Variants in LYST observed in about 807,000 individuals in gnomAD.
LYST encodes the protein lysosomal trafficking regulator.
In LYST, 192 loss-of-function variants were observed where a neutral mutation model predicts 413.6. The ratio of observed to expected loss-of-function variants is 0.46; its 90% CI spans 0.41 to 0.52. The LOEUF is 0.52. Among genes scored for constraint, LYST ranks in the 20% least tolerant of loss-of-function variants. The pLI is 0.00. For missense variants in LYST, 3,815 were observed against 4,499.9 expected, an observed-to-expected ratio of 0.85 and a Z score of 4.35; for synonymous variants, 1,525 against 1,567.3, an observed-to-expected ratio of 0.97 and a Z score of 0.64.
At chr1:235,735,685 T>C (rs1664760208) in intron 31 of LYST, 1 of 152,184 alleles carries the variant, frequency 6.6e-6, no homozygotes, top group Admixed American at 6.5e-5. Flanking sequence ...GTGAATAGTA[T>C]TAAATGTCAG....
At chr1:235,830,078 A>C in intron 3 of LYST, 148 bp downstream of exon 3, 1 of 637,808 alleles carries the variant, frequency 1.6e-6, no homozygotes, top group Non-Finnish European at 2.8e-6. Flanking sequence ...ATATGGTTAT[A>C]AATAGGTCCA....
chr1:235,773,362 T>C (rs920789433), intron 19 of LYST, among the ~76,000 whole-genome samples: 7 of 151,778 alleles, frequency 4.6e-5, no homozygotes, highest in African/African-American at 7.3e-5. Flanking sequence ...AAAACGAGTA[T>C]ATGCTTCTAT....
intron 1 of LYST, among the ~76,000 whole-genome samples, chr1:235,837,578 G>A (rs1390528895): frequency 1.3e-5 from 2 of 150,050 alleles, no homozygotes; most frequent in African/African-American, 2.5e-5. Context: ...AGTGAGCTGA[G>A]ATTGAGCCAC....
At chr1:235,818,991 C>G (rs1430198577) in intron 3 of LYST, among the ~76,000 whole-genome samples, 3 of 152,180 alleles carry the variant, frequency 2.0e-5, no homozygotes. Flanking sequence ...GCTGTTCTCC[C>G]CCTCAAGAGA....
chr1:235,703,021 A>T (rs760434110), intron 44 of LYST, 44 bp from the exon 45 acceptor site: 3 of 1,347,766 alleles, frequency 2.2e-6, no homozygotes, highest in Non-Finnish European at 3.2e-6. Flanking sequence ...TGTAGTAAAA[A>T]GAAAGACTTG....
chr1:235,693,572 A>C, intron 46 of LYST, 86 bp from the exon 47 acceptor site: 2 of 1,392,420 alleles, frequency 1.4e-6, no homozygotes, highest in African/African-American at 1.4e-5. Context: ...TAAAGGGTGA[A>C]GTTTACATAG....
At chr1:235,667,501 GAGA>G (rs1398736199) in intron 50 of LYST, among the ~76,000 whole-genome samples, 2 of 152,180 alleles carry the variant, frequency 1.3e-5, no homozygotes, top group Non-Finnish European at 2.9e-5. Flanking sequence ...TGTAACTTTT[GAGA>G]AGATGTTACA....
At chr1:235,722,350 G>A (rs1663449207) in intron 39 of LYST, among the ~76,000 whole-genome samples, 1 of 152,226 alleles carries the variant, frequency 6.6e-6, no homozygotes, top group Non-Finnish European at 1.5e-5. Context: ...GCTGTGTTGA[G>A]AATAATCTGA....
intron 3 of LYST, among the ~76,000 whole-genome samples, chr1:235,821,125 C>T (rs542885831): frequency 2.9e-4 from 44 of 152,262 alleles, no homozygotes; most frequent in African/African-American, 9.4e-4. Flanking sequence ...ATTGGTCCCA[C>T]GTAGAACTTC....
chr1:235,671,078 C>T (rs1658904030), intron 50 of LYST, among the ~76,000 whole-genome samples: 1 of 152,190 alleles, frequency 6.6e-6, no homozygotes, highest in African/African-American at 2.4e-5. Context: ...ACAAGGATTA[C>T]AGGCACCTGC....
chr1:235,680,477 G>GT (rs1481028580), intron 48 of LYST, among the ~76,000 whole-genome samples: 1 of 152,034 alleles, frequency 6.6e-6, no homozygotes, highest in Non-Finnish European at 1.5e-5. Flanking sequence ...GCCCAAGCTG[G>GT]TCTCAAACTC....
chr1:235,824,785 G>GGTGGAT (rs1675144730), intron 3 of LYST, among the ~76,000 whole-genome samples: 1 of 152,130 alleles, frequency 6.6e-6, no homozygotes, highest in Non-Finnish European at 1.5e-5. Flanking sequence ...ACTTTGGGTG[G>GGTGGAT]CTGAGGCGGG....
chr1:235,862,607 G>A (rs1206284243), intron 1 of LYST, among the ~76,000 whole-genome samples: 1 of 152,012 alleles, frequency 6.6e-6, no homozygotes. Flanking sequence ...ACCAGCCTGG[G>A]CAACACGGTG....
chr1:235,842,299 C>A (rs1677308947), intron 1 of LYST, among the ~76,000 whole-genome samples: 1 of 149,374 alleles, frequency 6.7e-6, no homozygotes, highest in African/African-American at 2.5e-5. Context: ...CTCTACCAGA[C>A]TGAAGAGTAC....
At chr1:235,841,353 G>A (rs527351077) in intron 1 of LYST, among the ~76,000 whole-genome samples, 1 of 152,106 alleles carries the variant, frequency 6.6e-6, no homozygotes, top group Non-Finnish European at 1.5e-5. Context: ...TAAAGAATTG[G>A]AAGAACCGTA....
In LYST at chr1:235,823,870, C is replaced by T. The variant is rs188099623; in HGVS notation, c.192+6356G>A. 2.9e-3 allele frequency among the ~76,000 whole-genome samples: 440 copies of T among 152,304 alleles called. 2 individuals carry two copies. Among genetic ancestry groups the T allele is most frequent in the African/African-American group, 0.01 (419 of 41,572 alleles). ...ACACTGTTTTGTCATCATTTATTTA[C>T]CTATCTCTTCAAAAGCGAAGAGCTC... On this transcript the variant is annotated intron_variant, in intron 3 of 52. Coordinates refer to ENST00000389793, the MANE Select transcript of LYST (RefSeq NM_000081.4).
In LYST at chr1:235,782,026, T is replaced by C; in HGVS notation, c.4924A>G (p.Asn1642Asp). Residue 1642 changes from asparagine (N) to aspartate (D), a missense_variant, in exon 15 of 53, where the codon AAT becomes GAT. Around this residue, in one of 4 missense-constraint regions of LYST, gnomAD observed 530 missense variants for 696.5 expected, o/e 0.76. Transcript: ENST00000389793. ...TGGCCAATCATGCAAAATGTTTTAT[T>C]GCTATCAGATGACAAACTTGTTTTT... Reference protein sequence around the residue: ...PRKTSLSSDSNKTFCMIGHCL... With the variant: ...PRKTSLSSDSDKTFCMIGHCL... The C allele has an allele frequency of 6.2e-7, 1 of 1,612,816 alleles. No individual in the cohort carries two copies.
At chr1:235,692,017 G>C (rs1041772694) in intron 47 of LYST, among the ~76,000 whole-genome samples, 7 of 150,272 alleles carry the variant, frequency 4.7e-5, no homozygotes, top group Non-Finnish European at 1.0e-4. Flanking sequence ...ATTCTTGACT[G>C]GACAAATTGC....
At chr1:235,826,215 A>T (rs1675318953) in intron 3 of LYST, among the ~76,000 whole-genome samples, 1 of 152,236 alleles carries the variant, frequency 6.6e-6, no homozygotes, top group African/African-American at 2.4e-5. Context: ...TACTTTGCAA[A>T]ACAGTTGGGC....
Sources: gnomAD v4.1 joint callset for allele counts (sites outside exome capture counted in the v4.1 genomes callset) on GRCh38, gnomAD v4.1.1 for gene constraint, gnomAD v4.1.1 regional missense constraint, MANE v1.5 for transcripts, NCBI Gene and HGNC (gene_info 2026-07-23, HGNC 2026-07-21) for gene names.